PRKN: variants seen among roughly 807,000 people sequenced by gnomAD.
PRKN encodes parkin RBR E3 ubiquitin protein ligase, also known as E3 ubiquitin-protein ligase parkin.
In PRKN, 56 loss-of-function variants were observed where a neutral mutation model predicts 59.5. That is an observed-to-expected ratio of 0.94 (90% CI 0.76 to 1.18). PRKN has a LOEUF of 1.18. Ranked by LOEUF, PRKN falls within the 50% of genes most tolerant of loss-of-function variation. The pLI is 0.00. For missense variants in PRKN, 657 were observed against 596.4 expected (o/e 1.10, Z -1.06); for synonymous variants, 250 against 222.1 (o/e 1.13, Z -1.12).
chr6:162,391,817 A>G (rs922604847), intron 2 of PRKN, among the ~76,000 whole-genome samples: 14 of 152,132 alleles, frequency 9.2e-5, no homozygotes, highest in African/African-American at 2.2e-4. Context: ...CTTTTTTAAC[A>G]TACTTGCAAA....
intron 1 of PRKN, among the ~76,000 whole-genome samples, chr6:162,595,887 A>G (rs1341887247): frequency 6.6e-6 from 1 of 152,220 alleles, no homozygotes; most frequent in Non-Finnish European, 1.5e-5. Context: ...TTCATAGCAA[A>G]GAAAATAAGC....
intron 4 of PRKN, among the ~76,000 whole-genome samples, chr6:162,106,856 G>A (rs1780212398): frequency 6.6e-6 from 1 of 152,188 alleles, no homozygotes; most frequent in Non-Finnish European, 1.5e-5. Flanking sequence ...TGACTGACTA[G>A]CCCAGAAGGG....
intron 5 of PRKN, among the ~76,000 whole-genome samples, chr6:162,047,912 G>A (rs1337006881): frequency 1.1e-4 from 16 of 152,084 alleles, no homozygotes; most frequent in Admixed American, 1.0e-3. Flanking sequence ...GGGAAAGTGT[G>A]AAAAATAGAT....
At chr6:162,573,618 T>C (rs985562076) in intron 1 of PRKN, among the ~76,000 whole-genome samples, 3 of 152,220 alleles carry the variant, frequency 2.0e-5, no homozygotes, top group South Asian at 2.1e-4. Context: ...CCAAGTGATA[T>C]TGAGGTTTCT....
intron 6 of PRKN, among the ~76,000 whole-genome samples, chr6:161,788,583 C>T (rs532015368): frequency 1.3e-5 from 2 of 152,170 alleles, no homozygotes; most frequent in East Asian, 3.9e-4. Context: ...AGGATGTCTA[C>T]CTTGAATAAA....
chr6:161,819,406 G>A (rs1791926609), intron 6 of PRKN, among the ~76,000 whole-genome samples: 1 of 152,086 alleles, frequency 6.6e-6, no homozygotes, highest in Admixed American at 6.6e-5. Flanking sequence ...CAGGAGAATC[G>A]CTTGAACCTG....
chr6:161,773,058 T>C (rs1789761186), intron 7 of PRKN, among the ~76,000 whole-genome samples: 1 of 152,116 alleles, frequency 6.6e-6, no homozygotes, highest in Non-Finnish European at 1.5e-5. Context: ...ATTATTAAGA[T>C]CAGATAGTAG....
rs553300757 is a variant in PRKN, at chr6:162,274,047, T to C, written c.172-11282A>G. Among the ~76,000 whole-genome samples, 99 of 152,230 alleles carry C rather than the reference T, an allele frequency of 6.5e-4. 2 individuals are homozygous for C. In the South Asian group the frequency reaches 0.02, roughly 30 times the overall value. The stretch of plus-strand genomic sequence containing the variant: ...CAAATAAGCATTTAATGGCATCAAA[T>C]ATTTATGTGTCCATAATTTTAATTT... On this transcript the variant is annotated intron_variant, in intron 2 of 11. Transcript: ENST00000366898.
intron 4 of PRKN, among the ~76,000 whole-genome samples, chr6:162,117,355 C>T (rs754964993): frequency 1.3e-5 from 2 of 152,220 alleles, no homozygotes; most frequent in Non-Finnish European, 2.9e-5. Context: ...CGTAGGCTTT[C>T]GCCGAAGGGC....
At chr6:162,153,659 G>T (rs1485079550) in intron 4 of PRKN, among the ~76,000 whole-genome samples, 4 of 152,154 alleles carry the variant, frequency 2.6e-5, no homozygotes, top group Admixed American at 1.3e-4. Flanking sequence ...TTTATTGAGT[G>T]ATGAAAGAGG....
intron 4 of PRKN, among the ~76,000 whole-genome samples, chr6:162,185,407 G>A (rs532183869): frequency 5.9e-5 from 9 of 152,134 alleles, no homozygotes; most frequent in Non-Finnish European, 1.0e-4. Flanking sequence ...AAAAACTTAC[G>A]GCTGAATACC....
intron 1 of PRKN, among the ~76,000 whole-genome samples, chr6:162,456,092 A>G (rs954145468): frequency 6.6e-6 from 1 of 152,182 alleles, no homozygotes; most frequent in African/African-American, 2.4e-5. Context: ...AAATATTACT[A>G]ATAAATTTTT....
chr6:162,627,811 A>AATACTAGG (rs1782954108), intron 1 of PRKN, among the ~76,000 whole-genome samples: 1 of 152,180 alleles, frequency 6.6e-6, no homozygotes, highest in Admixed American at 6.6e-5. Context: ...GGCAGTTTTG[A>AATACTAGG]ATACTAGGAG....
At chr6:162,648,384 C>CTTT (rs10644990) in intron 1 of PRKN, among the ~76,000 whole-genome samples, 4,404 of 144,414 alleles carry the variant, frequency 0.03, 112 homozygotes, top group Non-Finnish European at 0.047. Context: ...GGTGTTCTTT[C>CTTT]TTTTTTTATT....
chr6:161,848,810 T>C (rs1360513201), intron 6 of PRKN, among the ~76,000 whole-genome samples: 2 of 152,322 alleles, frequency 1.3e-5, no homozygotes, highest in Non-Finnish European at 2.9e-5. Context: ...AAGCTGAAGA[T>C]GTTACAGAGG....
chr6:162,572,652 A>G lies in PRKN; in HGVS notation c.8-129179T>C, dbSNP rs963540957. ...TCCTTACTTTACTACAAAATGTCCT[A>G]CCAGGGAAAGAAAAATATTATCAAT... On this transcript the variant is annotated intron_variant, in intron 1 of 11. Coordinates refer to ENST00000366898, the MANE Select transcript of PRKN (RefSeq NM_004562.3). 5.3e-5 allele frequency among the ~76,000 whole-genome samples: 8 copies of G among 152,196 alleles called. 1 individual carries two copies. The highest frequency in any genetic ancestry group is 1.2e-4 in the Non-Finnish European group (8 of 68,040).
intron 3 of PRKN, among the ~76,000 whole-genome samples, chr6:162,248,299 G>A (rs1031979721): frequency 2.6e-5 from 4 of 152,108 alleles, no homozygotes; most frequent in African/African-American, 4.8e-5. Flanking sequence ...CTTACTCTCC[G>A]GAGAAACATT....
At chr6:162,668,823 C>G (rs758946214) in intron 1 of PRKN, among the ~76,000 whole-genome samples, 9 of 152,122 alleles carry the variant, frequency 5.9e-5, no homozygotes, top group Non-Finnish European at 1.3e-4. Context: ...ACAGACCTTT[C>G]AGCTGTACTT....
intron 4 of PRKN, among the ~76,000 whole-genome samples, chr6:162,196,416 T>C (rs183323909): frequency 7.9e-5 from 12 of 152,334 alleles, no homozygotes; most frequent in Non-Finnish European, 1.6e-4. Flanking sequence ...GAATTAAATA[T>C]GCACATATAA....
Sources: gnomAD v4.1 joint callset for allele counts (sites outside exome capture counted in the v4.1 genomes callset) on GRCh38, gnomAD v4.1.1 for gene constraint, MANE v1.5 for transcripts, NCBI Gene and HGNC (gene_info 2026-07-23, HGNC 2026-07-21) for gene names.